MTAP: variants seen among roughly 807,000 people sequenced by gnomAD.
MTAP encodes the protein S-methyl-5'-thioadenosine phosphorylase.
A neutral mutation model predicts 33.6 loss-of-function variants in MTAP; 33 were observed. The ratio of observed to expected loss-of-function variants is 0.98; its 90% CI spans 0.74 to 1.31. The LOEUF (loss-of-function observed/expected upper bound fraction) is 1.31, where lower values mean the gene tolerates loss of function less well. Ranked by LOEUF, MTAP falls within the 40% of genes most tolerant of loss-of-function variation. The pLI is 0.00. For missense variants in MTAP, 367 were observed against 360.0 expected (o/e 1.02, Z -0.16); for synonymous variants, 148 against 125.7 (o/e 1.18, Z -1.19).
At chr9:21,923,279 C>G (rs1470947903) in intron 1 of MTAP, among the ~76,000 whole-genome samples, 1 of 152,166 alleles carries the variant, frequency 6.6e-6, no homozygotes, top group African/African-American at 2.4e-5. Flanking sequence ...TGTTATGCTC[C>G]AGGGTCAAGT....
rs547826797 is a variant in MTAP at position 21,873,774 on chromosome 9, A to G, written c.147+18904A>G. 1.7e-3 allele frequency among the ~76,000 whole-genome samples: 253 copies of G among 152,284 alleles called. 1 individual carries two copies. Among genetic ancestry groups the G allele is most frequent in the African/African-American group, 5.8e-3 (242 of 41,566 alleles). ...AAGGAACAGCTATAGAAGTTGAACA[A>G]CAGTCGTACTAAATGGTTCCTAAGG... is the stretch of plus-strand genomic sequence containing the variant. On this transcript the variant is annotated intron_variant, in intron 1 of 1. Transcript: ENST00000577563.
intron 5 of MTAP, among the ~76,000 whole-genome samples, chr9:21,839,129 G>A (rs1377782290): frequency 6.6e-6 from 1 of 151,064 alleles, no homozygotes; most frequent in Non-Finnish European, 1.5e-5. Flanking sequence ...ATACCACTGC[G>A]CATTGATTTT....
chr9:21,816,109 C>T (rs1291658695), intron 2 of MTAP, among the ~76,000 whole-genome samples: 5 of 152,164 alleles, frequency 3.3e-5, no homozygotes, highest in African/African-American at 1.2e-4. Flanking sequence ...ATTGCTACGT[C>T]CTCTGGTCCA....
At chr9:21,844,636 T>G (rs1435690494) in intron 5 of MTAP, among the ~76,000 whole-genome samples, 3 of 152,188 alleles carry the variant, frequency 2.0e-5, no homozygotes, top group African/African-American at 4.8e-5. Flanking sequence ...AATCACATGG[T>G]CATCTCAATA....
intron 1 of MTAP, among the ~76,000 whole-genome samples, chr9:21,805,671 G>T (rs1281607198): frequency 6.6e-6 from 1 of 152,202 alleles, no homozygotes; most frequent in Non-Finnish European, 1.5e-5. Context: ...CCTTACAAAA[G>T]AGGCCCCAGA....
intron 1 of MTAP, among the ~76,000 whole-genome samples, chr9:21,925,450 G>A (rs1392603708): frequency 1.3e-5 from 2 of 152,194 alleles, no homozygotes; most frequent in Admixed American, 1.3e-4. Context: ...AGGAGAAAGA[G>A]GAAAGGGCTC....
intron 4 of MTAP, among the ~76,000 whole-genome samples, chr9:21,831,903 G>C (rs1319547176): frequency 5.3e-5 from 8 of 152,062 alleles, no homozygotes; most frequent in Non-Finnish European, 8.8e-5. Context: ...ATATTGGCCT[G>C]TTGTGCCTAA....
chr9:21,850,116 G>C (rs1825476885), intron 5 of MTAP, among the ~76,000 whole-genome samples: 1 of 152,204 alleles, frequency 6.6e-6, no homozygotes, highest in African/African-American at 2.4e-5. Flanking sequence ...ACAGTACGCT[G>C]ATTGGATCCA....
chr9:21,929,311 A>G (rs1377367491), intron 1 of MTAP: 1 of 155,980 alleles, frequency 6.4e-6, no homozygotes, highest in Non-Finnish European at 1.5e-5. Flanking sequence ...ACCTCAAAGT[A>G]AGGTGATCCT....
In MTAP at chr9:21,922,762, C is replaced by T. The variant is rs1818808194; in HGVS notation, c.148-8246C>T. ...ATTACTCTCAGCCACAGTGGCTCTG[C>T]ACCCGCTGGCTGATCTCTCAGCTTA... is the stretch of plus-strand genomic sequence containing the variant. On this transcript the variant is annotated intron_variant, in intron 1 of 1. Coordinates refer to the MTAP transcript ENST00000577563. The surrounding 1 kb of genome is among the most constrained non-coding windows in gnomAD (Gnocchi z 4.8). 6.6e-6 allele frequency among the ~76,000 whole-genome samples: 1 copy of T among 152,164 alleles called. No homozygotes were observed. Among genetic ancestry groups the T allele is most frequent in the Admixed American group, 6.5e-5 (1 of 15,280 alleles).
rs373553396 is a variant in MTAP, at chr9:21,882,105, T to C, written c.147+27235T>C. 2.3e-4 allele frequency among the ~76,000 whole-genome samples: 35 copies of C among 152,002 alleles called. No individual in the cohort carries two copies. The East Asian group carries it at 6.8e-3, about 29-fold the overall frequency. On this transcript the variant is annotated intron_variant, in intron 1 of 1. Transcript: ENST00000577563. Reference sequence around the variant, plus strand: ...TGCAAATGTAGTACAAAATAAAATATTCAACCTTAAAAAGGATTTCCTTCC... The same window carrying C: ...TGCAAATGTAGTACAAAATAAAATACTCAACCTTAAAAAGGATTTCCTTCC...
chr9:21,886,935 C>G (rs73440448), intron 1 of MTAP, among the ~76,000 whole-genome samples: 81 of 152,012 alleles, frequency 5.3e-4, no homozygotes, highest in African/African-American at 1.8e-3. Flanking sequence ...TTTCATAGTT[C>G]CATTTGAATT....
chr9:21,924,510 A>G (rs1370326703), intron 1 of MTAP, among the ~76,000 whole-genome samples: 1 of 152,194 alleles, frequency 6.6e-6, no homozygotes, highest in Admixed American at 6.5e-5. Context: ...GAAATCCCCT[A>G]TGTACAGGCC....
In MTAP at chr9:21,865,595, A is replaced by T; in HGVS notation, c.*3581A>T. The T allele has an allele frequency of 1.0e-5, 10 of 986,216 alleles. No homozygotes were observed. The highest frequency in any genetic ancestry group is 1.2e-5 in the Non-Finnish European group (10 of 830,128). 61.1% of individuals were successfully genotyped at this position (986,216 alleles called of 1,614,324 possible). ...TCATAATAGTATAGAATAATTCAAG[A>T]TAGGCAAGAAGGACAGCAGTAAATG... is the stretch of plus-strand genomic sequence containing the variant. On this transcript the variant is annotated 3_prime_UTR_variant, in exon 8 of 8. Transcript: ENST00000644715.
At chr9:21,878,401 G>A (rs967955177) in intron 1 of MTAP, among the ~76,000 whole-genome samples, 2 of 151,904 alleles carry the variant, frequency 1.3e-5, no homozygotes, top group Admixed American at 1.3e-4. Context: ...GTTAGCTTTG[G>A]GGTTGGTTTG....
chr9:21,881,639 A>T (rs1035050376), intron 1 of MTAP, among the ~76,000 whole-genome samples: 2 of 152,082 alleles, frequency 1.3e-5, no homozygotes, highest in African/African-American at 4.8e-5. Flanking sequence ...GCTGCTTGAC[A>T]TCAGTAATTA....
At chr9:21,835,594 T>C (rs1420420403) in intron 4 of MTAP, among the ~76,000 whole-genome samples, 1 of 152,182 alleles carries the variant, frequency 6.6e-6, no homozygotes, top group Non-Finnish European at 1.5e-5. Context: ...ATCGGCAGGC[T>C]TATTCCAGGC....
intron 1 of MTAP, among the ~76,000 whole-genome samples, chr9:21,915,975 A>AGGTTG (rs1191473581): frequency 6.6e-6 from 1 of 151,184 alleles, no homozygotes; most frequent in Non-Finnish European, 1.5e-5. Context: ...GTTGAGGTTG[A>AGGTTG]ACTGTGATGA....
At chr9:21,832,307 G>T (rs970189689) in intron 4 of MTAP, among the ~76,000 whole-genome samples, 1 of 152,338 alleles carries the variant, frequency 6.6e-6, no homozygotes, top group East Asian at 1.9e-4. Context: ...GGGCCCTGAG[G>T]TTGGGAGTAT....
Sources: allele counts gnomAD v4.1 joint callset (sites outside exome capture counted in the v4.1 genomes callset), GRCh38; gene constraint gnomAD v4.1.1; non-coding constraint Gnocchi (gnomAD v3.1); transcripts MANE v1.5; gene names NCBI Gene and HGNC (gene_info 2026-07-23, HGNC 2026-07-21).